The following FOCAD variants were observed in gnomAD, a reference collection of about 807,000 sequenced individuals.
The protein encoded by FOCAD is focadhesin.
A neutral mutation model predicts 225.6 loss-of-function variants in FOCAD; 198 were observed. The ratio of observed to expected loss-of-function variants is 0.88; its 90% CI spans 0.78 to 0.99. FOCAD has a LOEUF of 0.99. FOCAD is among the 50% of genes least tolerant of loss of function. The pLI is 0.00. For synonymous variants in FOCAD, 897 were observed against 755.0 expected, an observed-to-expected ratio of 1.19 and a Z score of -3.08; for missense variants, 2,713 against 2,123.6, an observed-to-expected ratio of 1.28 and a Z score of -5.46.
intron 20 of FOCAD, among the ~76,000 whole-genome samples, chr9:20,883,213 C>T (rs928372073): frequency 6.6e-6 from 1 of 152,140 alleles, no homozygotes; most frequent in African/African-American, 2.4e-5. Flanking sequence ...TGGAAAATAT[C>T]AATTCTAACT....
At chr9:20,703,695 T>C (rs1284581328) in intron 1 of FOCAD, among the ~76,000 whole-genome samples, 3 of 152,166 alleles carry the variant, frequency 2.0e-5, no homozygotes, top group Admixed American at 6.6e-5. Context: ...AGAGATTCCT[T>C]ATCACTTAAA....
chr9:20,962,752 G>A (rs1185570968), intron 35 of FOCAD, among the ~76,000 whole-genome samples: 1 of 152,200 alleles, frequency 6.6e-6, no homozygotes, highest in Non-Finnish European at 1.5e-5. Context: ...GAGATTTAAA[G>A]TAACTTTGTT....
intron 19 of FOCAD, among the ~76,000 whole-genome samples, chr9:20,878,421 T>C (rs1472120968): frequency 6.6e-6 from 1 of 152,214 alleles, no homozygotes; most frequent in Non-Finnish European, 1.5e-5. Flanking sequence ...TAGTTATTGC[T>C]CGGCCATTGG....
At chr9:20,922,553 C>T (rs577952820) in intron 24 of FOCAD, among the ~76,000 whole-genome samples, 1 of 152,328 alleles carries the variant, frequency 6.6e-6, no homozygotes, top group East Asian at 1.9e-4. Context: ...CTCAAGTCTT[C>T]AATTGAGACT....
chr9:20,752,363 A>G (rs982703196), intron 5 of FOCAD, among the ~76,000 whole-genome samples: 5 of 151,254 alleles, frequency 3.3e-5, no homozygotes, highest in East Asian at 1.9e-4. Flanking sequence ...ATCCAGTTTC[A>G]GCTTTCTCCA....
At chr9:20,958,401 A>T (rs10757159) in intron 35 of FOCAD, among the ~76,000 whole-genome samples, 52,827 of 147,902 alleles carry the variant, frequency 0.36, 9,675 homozygotes, top group East Asian at 0.43. Context: ...TGAAATTTTT[A>T]AAAAAAATTT....
rs143504517 is a variant in FOCAD, at chr9:20,835,782, G to A, written c.1920+12667G>A. On this transcript the variant is annotated intron_variant, in intron 15 of 43. Transcript: ENST00000338382. ...TGTTTTCCTAATCAGCTGTGAGTCTGTTGTAGCAAAAATTAATAGGCGTTG... is the reference window on the plus strand; with the variant it reads ...TGTTTTCCTAATCAGCTGTGAGTCTATTGTAGCAAAAATTAATAGGCGTTG... Among the ~76,000 whole-genome samples, 1,058 of 152,202 alleles carry A rather than the reference G, an allele frequency of 7.0e-3. 12 individuals carry two copies. Among genetic ancestry groups the A allele is most frequent in the African/African-American group, 0.025 (1,032 of 41,554 alleles).
chr9:20,932,052 C>A (rs568218080), intron 27 of FOCAD, among the ~76,000 whole-genome samples: 1 of 152,112 alleles, frequency 6.6e-6, no homozygotes, highest in South Asian at 2.1e-4. Context: ...TCTGTCATAA[C>A]CCCCAGAAAA....
chr9:20,741,174 A>C (rs956755233), intron 5 of FOCAD, among the ~76,000 whole-genome samples: 1 of 152,176 alleles, frequency 6.6e-6, no homozygotes, highest in Non-Finnish European at 1.5e-5. Context: ...AGGGAAAGGA[A>C]ATCAGGTACT....
intron 7 of FOCAD, among the ~76,000 whole-genome samples, chr9:20,769,122 C>G (rs567762000): frequency 6.6e-6 from 1 of 152,190 alleles, no homozygotes; most frequent in East Asian, 1.9e-4. Flanking sequence ...ATAATTTATA[C>G]CAGACTGTTT....
chr9:20,978,732 G>A (rs1039793304), intron 37 of FOCAD, among the ~76,000 whole-genome samples: 17 of 152,248 alleles, frequency 1.1e-4, no homozygotes, highest in African/African-American at 4.1e-4. Context: ...CATATAGCTA[G>A]AAAGTGGTGG....
At chr9:20,973,277 CA>C (rs765506930) in intron 35 of FOCAD, among the ~76,000 whole-genome samples, 2 of 152,164 alleles carry the variant, frequency 1.3e-5, no homozygotes, top group Non-Finnish European at 2.9e-5. Flanking sequence ...CTCCTTTCTG[CA>C]GCTGATTTAC....
chr9:20,776,064 A>C (rs1818724466), intron 8 of FOCAD, among the ~76,000 whole-genome samples: 1 of 152,170 alleles, frequency 6.6e-6, no homozygotes, highest in Non-Finnish European at 1.5e-5. Flanking sequence ...GGAGAGGGAC[A>C]AAAGGAGTGA....
At chr9:20,770,269 G>A (rs774131179) in intron 8 of FOCAD, 31 bp downstream of exon 8, 5 of 1,561,454 alleles carry the variant, frequency 3.2e-6, no homozygotes, top group Admixed American at 3.4e-5. Flanking sequence ...TACTGTTCAT[G>A]CATTGCTATT....
In FOCAD at chr9:20,944,640, T is replaced by C; in HGVS notation, c.3421T>C (p.Leu1141=). ...TSLEYNTGCI[L]GVGLVLSLMS... The stretch of plus-strand genomic sequence containing the variant: ...TTGGCTTCCAAGCACGGGCTGTATA[T>C]TGGGAGTTGGACTTGTTCTGTCCCT... The change falls in exon 29 of 44, where the codon TTG becomes CTG. Residue 1141 remains leucine, a synonymous_variant. Transcript: ENST00000338382. The C allele has an allele frequency of 2.5e-6, 4 of 1,613,570 alleles. No homozygotes were observed. Among genetic ancestry groups the C allele is most frequent in the Non-Finnish European group, 2.5e-6 (3 of 1,179,642 alleles).
At chr9:20,747,461 A>C (rs1242095490) in intron 5 of FOCAD, among the ~76,000 whole-genome samples, 2 of 152,180 alleles carry the variant, frequency 1.3e-5, no homozygotes, top group Non-Finnish European at 2.9e-5. Flanking sequence ...ATGTACTATA[A>C]AATTCACTCT....
chr9:20,719,762 A>G (rs1825629387), intron 3 of FOCAD, among the ~76,000 whole-genome samples: 1 of 148,806 alleles, frequency 6.7e-6, no homozygotes, highest in African/African-American at 2.5e-5. Flanking sequence ...TTTCTTGGGC[A>G]AACAGTTTTC....
intron 15 of FOCAD, among the ~76,000 whole-genome samples, chr9:20,857,787 T>TTC (rs963485056): frequency 2.4e-4 from 33 of 138,288 alleles, no homozygotes; most frequent in Non-Finnish European, 5.1e-4. Context: ...TTTTTTGAGT[T>TTC]TTTTTTTTTA....
intron 1 of FOCAD, among the ~76,000 whole-genome samples, chr9:20,686,719 G>A (rs1272348393): frequency 6.6e-6 from 1 of 152,172 alleles, no homozygotes; most frequent in African/African-American, 2.4e-5. Context: ...GAAATCTATA[G>A]ATCTAGAGAT....
Sources: allele counts gnomAD v4.1 joint callset (sites outside exome capture counted in the v4.1 genomes callset), GRCh38; gene constraint gnomAD v4.1.1; transcripts MANE v1.5; gene names NCBI Gene and HGNC (gene_info 2026-07-23, HGNC 2026-07-21).